HTR7: variants seen among roughly 807,000 people sequenced by gnomAD.
HTR7 encodes the protein 5-HT-7.
A neutral mutation model predicts 34.0 loss-of-function variants in HTR7; 16 were observed. The observed-to-expected ratio is 0.47, with a 90% confidence interval of 0.32 to 0.71. The LOEUF is 0.71. Ranked by LOEUF, HTR7 falls within the 30% of genes least tolerant of loss-of-function variation. The pLI, the probability that HTR7 is intolerant of heterozygous loss-of-function variation, is 0.04. For synonymous variants in HTR7, 265 were observed against 260.2 expected (o/e 1.02, Z -0.18); for missense variants, 504 against 625.5 (o/e 0.81, Z 2.07).
At chr10:90,830,913 C>T (rs1846159312) in intron 1 of HTR7, among the ~76,000 whole-genome samples, 1 of 152,124 alleles carries the variant, frequency 6.6e-6, no homozygotes. Flanking sequence ...TCTTTCCACA[C>T]TAGGGTTATG....
At chr10:90,761,941 A>G (rs1439045736) in intron 1 of HTR7, among the ~76,000 whole-genome samples, 3 of 152,134 alleles carry the variant, frequency 2.0e-5, no homozygotes, top group African/African-American at 7.2e-5. Flanking sequence ...AGGTTCATCT[A>G]TGTTATTGCA....
intron 1 of HTR7, among the ~76,000 whole-genome samples, chr10:90,817,946 A>G (rs778249968): frequency 5.9e-5 from 9 of 152,264 alleles, no homozygotes; most frequent in Non-Finnish European, 1.2e-4. Context: ...ATGTAAAGTG[A>G]AAGAAGATAT....
At chr10:90,798,539 AC>A (rs1312629555) in intron 1 of HTR7, among the ~76,000 whole-genome samples, 1 of 151,822 alleles carries the variant, frequency 6.6e-6, no homozygotes, top group African/African-American at 2.4e-5. Flanking sequence ...ACATACTGAA[AC>A]CCCCATCTCT....
intron 1 of HTR7, among the ~76,000 whole-genome samples, chr10:90,829,743 A>G (rs1303351076): frequency 2.0e-5 from 3 of 152,234 alleles, no homozygotes; most frequent in Non-Finnish European, 4.4e-5. Flanking sequence ...CACGCAAAAC[A>G]AAAAACTATC....
At chr10:90,798,108 CAG>C (rs1845570177) in intron 1 of HTR7, among the ~76,000 whole-genome samples, 1 of 152,152 alleles carries the variant, frequency 6.6e-6, no homozygotes, top group African/African-American at 2.4e-5. Context: ...TAAATTTCAA[CAG>C]AGTTTTGGAG....
At chr10:90,813,354 T>G (rs1284204562) in intron 1 of HTR7, among the ~76,000 whole-genome samples, 1 of 152,042 alleles carries the variant, frequency 6.6e-6, no homozygotes, top group Non-Finnish European at 1.5e-5. Context: ...AAACCCCATC[T>G]CTACCAAAAA....
At chr10:90,792,778 A>C (rs1436331630) in intron 1 of HTR7, among the ~76,000 whole-genome samples, 3 of 152,204 alleles carry the variant, frequency 2.0e-5, no homozygotes, top group Non-Finnish European at 4.4e-5. Context: ...TGGATTTATC[A>C]GAACTTATCA....
At chr10:90,754,243 G>A (rs190984536) in intron 1 of HTR7, among the ~76,000 whole-genome samples, 118 of 151,938 alleles carry the variant, frequency 7.8e-4, no homozygotes, top group Non-Finnish European at 1.5e-3. Context: ...ACATTCATAA[G>A]TTTATACAAA....
intron 1 of HTR7, among the ~76,000 whole-genome samples, chr10:90,807,749 G>A (rs537718999): frequency 2.6e-5 from 4 of 152,300 alleles, no homozygotes; most frequent in South Asian, 2.1e-4. Context: ...ATTTGGTGCC[G>A]TGACTCAGAT....
At chr10:90,786,067 T>G (rs1043416723) in intron 1 of HTR7, among the ~76,000 whole-genome samples, 10 of 152,238 alleles carry the variant, frequency 6.6e-5, no homozygotes, top group African/African-American at 2.4e-4. Context: ...TTTCTTGGGA[T>G]GGAACTTCCT....
intron 1 of HTR7, among the ~76,000 whole-genome samples, chr10:90,796,320 G>T (rs1845537354): frequency 6.6e-6 from 1 of 152,208 alleles, no homozygotes; most frequent in Non-Finnish European, 1.5e-5. Context: ...ACAAAACAAT[G>T]AGGAATGTAT....
intron 1 of HTR7, among the ~76,000 whole-genome samples, chr10:90,796,910 G>C (rs1717937002): frequency 6.6e-6 from 1 of 151,938 alleles, no homozygotes; most frequent in African/African-American, 2.4e-5. Flanking sequence ...TACTCGGGAG[G>C]CTGAGGCAGG....
intron 1 of HTR7, among the ~76,000 whole-genome samples, chr10:90,819,321 A>G (rs533572203): frequency 5.4e-4 from 82 of 152,290 alleles, no homozygotes; most frequent in African/African-American, 1.9e-3. Context: ...AAGCTGCTAA[A>G]CAATAAAAAC....
intron 1 of HTR7, among the ~76,000 whole-genome samples, chr10:90,774,810 C>T (rs1026664185): frequency 2.0e-5 from 3 of 152,202 alleles, no homozygotes; most frequent in African/African-American, 7.2e-5. Context: ...TCATAAGCAT[C>T]GCTTTTTAAG....
At chr10:90,833,506 A>T (rs1011823450) in intron 1 of HTR7, among the ~76,000 whole-genome samples, 3 of 152,260 alleles carry the variant, frequency 2.0e-5, no homozygotes, top group Non-Finnish European at 2.9e-5. Flanking sequence ...TGTTGTAAAG[A>T]TTAAAAGAGA....
At chr10:90,766,443 G>C (rs1845025821) in intron 1 of HTR7, among the ~76,000 whole-genome samples, 1 of 152,134 alleles carries the variant, frequency 6.6e-6, no homozygotes, top group African/African-American at 2.4e-5. Flanking sequence ...GTCTCTTGTA[G>C]GCAGCATGTT....
chr10:90,812,177 T>G (rs2119970856), intron 1 of HTR7, among the ~76,000 whole-genome samples: 1 of 152,288 alleles, frequency 6.6e-6, no homozygotes, highest in African/African-American at 2.4e-5. Flanking sequence ...GACGCTCCTT[T>G]TTATTAGGCC....
chr10:90,836,081 G>C (rs1009154615), intron 1 of HTR7, among the ~76,000 whole-genome samples: 3 of 152,074 alleles, frequency 2.0e-5, no homozygotes, highest in Admixed American at 1.3e-4. Context: ...CCGACCTACT[G>C]ATCCCACCTC....
At chr10:90,795,133 C>A (rs764643267) in intron 1 of HTR7, among the ~76,000 whole-genome samples, 7 of 152,172 alleles carry the variant, frequency 4.6e-5, no homozygotes, top group Non-Finnish European at 1.0e-4. Flanking sequence ...TTGCAGATAT[C>A]TCATCAACAT....
Sources: gnomAD v4.1 joint callset for allele counts (sites outside exome capture counted in the v4.1 genomes callset) on GRCh38, gnomAD v4.1.1 for gene constraint, MANE v1.5 for transcripts, NCBI Gene and HGNC (gene_info 2026-07-23, HGNC 2026-07-21) for gene names.